Variants in TRMT9B observed in about 807,000 individuals in gnomAD.
The protein encoded by TRMT9B is probable tRNA methyltransferase 9B.
In TRMT9B, 16 loss-of-function variants were observed where a neutral mutation model predicts 11.5. That is an observed-to-expected ratio of 1.39 (90% confidence interval 0.94 to 2.11). The LOEUF (loss-of-function observed/expected upper bound fraction) is 2.11. TRMT9B is among the 30% of genes most tolerant of loss of function. The pLI is 0.00. For missense variants in TRMT9B, 941 were observed against 553.8 expected (o/e 1.70, Z -7.02); for synonymous variants, 274 against 192.4 (o/e 1.42, Z -3.51).
chr8:13,029,256 T>G lies in TRMT9B; in HGVS notation c.*7212T>G, dbSNP rs1373731400. 6.0e-6 allele frequency: 1 copy of G among 167,072 alleles called. No homozygotes were observed. Among genetic ancestry groups the G allele is most frequent in the Non-Finnish European group, 1.5e-5 (1 of 68,120 alleles). The allele number at this position is 167,072 out of a possible 1,614,324, so 10.3% of individuals were successfully genotyped here. ...AGATGTTATAGTGCCTCTTCTCGTG[T>G]TGATACGTGTATTTGGGTCAAAAGT... On this transcript the variant is annotated 3_prime_UTR_variant, in exon 5 of 5. Transcript: ENST00000524591.
intron 2 of TRMT9B, among the ~76,000 whole-genome samples, chr8:12,992,411 T>C (rs1202946761): frequency 6.6e-6 from 1 of 151,896 alleles, no homozygotes; most frequent in Non-Finnish European, 1.5e-5. Flanking sequence ...TTCTAGCTCT[T>C]TGGGAGGCCT....
rs1813796726 is a variant in TRMT9B, at chr8:13,021,274, T to G, written c.595T>G (p.Cys199Gly). Residue 199 changes from cysteine to glycine, a missense_variant, in exon 5 of 5, where the codon TGT becomes GGT. Cys to Gly is a radical substitution (Grantham distance 159, BLOSUM62 -3). Transcript: ENST00000524591. ...PYHPPCSECS[C>G]SVCFKEQCGS... ...CCATCCTCCTTGCTCTGAGTGTAGC[T>G]GTTCTGTTTGTTTTAAAGAGCAGTG... 1 of 1,613,912 alleles carries G rather than the reference T, an allele frequency of 6.2e-7. No homozygotes were observed. Among genetic ancestry groups the G allele is most frequent in the Non-Finnish European group, 8.5e-7 (1 of 1,179,882 alleles).
At chr8:13,006,399 C>G in intron 3 of TRMT9B, 43 bp downstream of exon 3, 1 of 1,451,462 alleles carries the variant, frequency 6.9e-7, no homozygotes, top group Non-Finnish European at 9.1e-7. Context: ...ACCAGGCAGC[C>G]TCATCGCTGA....
intron 1 of TRMT9B, among the ~76,000 whole-genome samples, chr8:12,967,557 ATTG>A (rs1802993188): frequency 6.6e-6 from 1 of 152,294 alleles, no homozygotes; most frequent in Admixed American, 6.5e-5. Flanking sequence ...CTTCAATTAG[ATTG>A]TTTTTAGCTT....
At chr8:12,978,919 G>A (rs1481653707) in intron 1 of TRMT9B, among the ~76,000 whole-genome samples, 5 of 152,172 alleles carry the variant, frequency 3.3e-5, no homozygotes, top group African/African-American at 1.2e-4. Flanking sequence ...ATCTGTATGC[G>A]TGGATACTTA....
intron 1 of TRMT9B, among the ~76,000 whole-genome samples, chr8:12,978,052 G>A (rs1804736554): frequency 6.6e-6 from 1 of 152,058 alleles, no homozygotes; most frequent in South Asian, 2.1e-4. Context: ...TGGATAGTGT[G>A]GAGTCTTAAT....
rs548629988 is a variant in TRMT9B at position 13,011,276 on chromosome 8, G to A, written c.155-1408G>A. 1.2e-4 allele frequency: 114 copies of A among 984,810 alleles called. No individual in the cohort carries two copies. In the African/African-American group the frequency reaches 1.5e-3, roughly 13 times the overall value. 61.0% of individuals were successfully genotyped at this position (984,810 alleles called of 1,614,324 possible). A position where few individuals can be genotyped will look rare whatever the true frequency, so the allele number is the denominator to read the frequency against. ...GCTAGGATTATAGGCATGAGCCACCGCGCCAGACCCCAAATTTTATTTTTT... is the reference window on the plus strand; with the variant it reads ...GCTAGGATTATAGGCATGAGCCACCACGCCAGACCCCAAATTTTATTTTTT... On this transcript the variant is annotated intron_variant, in intron 3 of 4. Coordinates refer to ENST00000524591, the MANE Select transcript of TRMT9B (RefSeq NM_020844.3).
intron 1 of TRMT9B, among the ~76,000 whole-genome samples, chr8:12,954,975 G>A (rs1461783968): frequency 3.3e-5 from 5 of 152,150 alleles, no homozygotes; most frequent in Non-Finnish European, 5.9e-5. Flanking sequence ...CAAATGAATA[G>A]GTGTAAATGC....
chr8:13,016,130 A>T (rs1024212032), intron 4 of TRMT9B, among the ~76,000 whole-genome samples: 2 of 144,754 alleles, frequency 1.4e-5, no homozygotes, highest in African/African-American at 5.2e-5. Context: ...TACATATAAC[A>T]TAAATATAAG....
chr8:12,973,844 AG>A (rs1253266131), intron 1 of TRMT9B, among the ~76,000 whole-genome samples: 1 of 152,150 alleles, frequency 6.6e-6, no homozygotes, highest in African/African-American at 2.4e-5. Flanking sequence ...CACTGAACTC[AG>A]TTCACGCCAG....
At chr8:12,952,742 T>A (rs540365319) in intron 1 of TRMT9B, 2 of 903,532 alleles carry the variant, frequency 2.2e-6, no homozygotes, top group African/African-American at 3.6e-5. Flanking sequence ...ATGTGTGGGG[T>A]TTTTTTTGTT....
chr8:12,990,872 T>C lies in TRMT9B; in HGVS notation c.-161T>C. 2 of 1,289,758 alleles carry C rather than the reference T, an allele frequency of 1.6e-6. No individual in the cohort carries two copies. The highest frequency in any genetic ancestry group is 1.0e-6 in the Non-Finnish European group (1 of 988,674). The allele number at this position is 1,289,758 out of a possible 1,614,324, so 79.9% of individuals were successfully genotyped here. A position where few individuals can be genotyped will look rare whatever the true frequency, so the allele number is the denominator to read the frequency against. ...TTCAGAGACTCACACAAGAGGTTTATCATGAGAAGGACCGCACTATTTCAT... is the reference window on the plus strand; with the variant it reads ...TTCAGAGACTCACACAAGAGGTTTACCATGAGAAGGACCGCACTATTTCAT... On this transcript the variant is annotated 5_prime_UTR_variant, in exon 2 of 5. Transcript: ENST00000524591.
Position 13,022,222 on chromosome 8 carries a change from A to G in TRMT9B, c.*178A>G, listed in dbSNP as rs1483924967. 9.2e-6 allele frequency: 5 copies of G among 543,086 alleles called. No individual in the cohort carries two copies. Among genetic ancestry groups the G allele is most frequent in the South Asian group, 3.2e-5 (1 of 31,464 alleles). 33.6% of individuals were successfully genotyped at this position (543,086 alleles called of 1,614,324 possible). A position where few individuals can be genotyped will look rare whatever the true frequency, so the allele number is the denominator to read the frequency against. On this transcript the variant is annotated 3_prime_UTR_variant, in exon 5 of 5. Transcript: ENST00000524591. ...TTTTTGAATAAGCACAGATTCTGGCATTGAAAGCACTTGACAAAGGGTATT... is the reference window on the plus strand; with the variant it reads ...TTTTTGAATAAGCACAGATTCTGGCGTTGAAAGCACTTGACAAAGGGTATT...
chr8:13,016,894 A>C (rs2128898688), intron 4 of TRMT9B, among the ~76,000 whole-genome samples: 1 of 150,510 alleles, frequency 6.6e-6, no homozygotes, highest in Non-Finnish European at 1.5e-5. Flanking sequence ...TGGGAGACTG[A>C]GGCAGGCGGA....
At chr8:12,950,991 A>G (rs1800561392) in intron 1 of TRMT9B, among the ~76,000 whole-genome samples, 1 of 152,196 alleles carries the variant, frequency 6.6e-6, no homozygotes, top group African/African-American at 2.4e-5. Context: ...TTTAAAGTGC[A>G]TAGATCCCTG....
intron 1 of TRMT9B, among the ~76,000 whole-genome samples, chr8:12,975,563 C>A (rs947133484): frequency 1.3e-5 from 2 of 151,926 alleles, no homozygotes; most frequent in Non-Finnish European, 2.9e-5. Context: ...ATGGCGAAAC[C>A]GAGTCTCTAT....
At chr8:12,971,077 G>T (rs969159973) in intron 1 of TRMT9B, among the ~76,000 whole-genome samples, 3 of 152,182 alleles carry the variant, frequency 2.0e-5, no homozygotes, top group African/African-American at 7.2e-5. Context: ...ATTAATCTGA[G>T]TAATTTGCAT....
At position 13,021,877 on chromosome 8, in the gene TRMT9B, A is replaced by G. The variant is rs1814002691; in HGVS notation, c.1198A>G (p.Thr400Ala). 6.2e-7 allele frequency: 1 copy of G among 1,613,764 alleles called. No individual in the cohort carries two copies. Among genetic ancestry groups the G allele is most frequent in the South Asian group, 1.1e-5 (1 of 91,078 alleles). Residue 400 changes from threonine (T) to alanine (A), a missense_variant, in exon 5 of 5, where the codon ACT (threonine) becomes GCT (alanine). Coordinates refer to ENST00000524591, the MANE Select transcript of TRMT9B (RefSeq NM_020844.3). Reference sequence around the variant, plus strand: ...TACAATGTCTGTCGAAGATCCACAGACTGATGTTTTGGACTCCACAGCCTT... The same window carrying G: ...TACAATGTCTGTCGAAGATCCACAGGCTGATGTTTTGGACTCCACAGCCTT... Reference protein sequence around the residue: ...DDTMSVEDPQTDVLDSTAFMR... With the variant: ...DDTMSVEDPQADVLDSTAFMR...
chr8:12,951,942 G>C (rs181845526), intron 1 of TRMT9B: 2 of 152,968 alleles, frequency 1.3e-5, no homozygotes, highest in African/African-American at 4.8e-5. Context: ...TGGAAGCCCC[G>C]ACACGAGCCC....
Sources: allele counts gnomAD v4.1 joint callset (sites outside exome capture counted in the v4.1 genomes callset), GRCh38; gene constraint gnomAD v4.1.1; transcripts MANE v1.5; gene names NCBI Gene and HGNC (gene_info 2026-07-23, HGNC 2026-07-21).